Variants in ATP8A2 observed in about 807,000 individuals in gnomAD.
ATP8A2 encodes ATPase phospholipid transporting 8A2, also known as phospholipid-transporting ATPase IB.
In ATP8A2, 100 loss-of-function variants were observed where a neutral mutation model predicts 165.6. That is an observed-to-expected ratio of 0.60 (90% CI 0.51 to 0.71). The LOEUF is 0.71. Ranked by LOEUF, ATP8A2 falls within the 30% of genes least tolerant of loss-of-function variation. The probability of loss-of-function intolerance (pLI) is 0.00; values close to 1 mark genes in which losing one functional copy is unlikely to be tolerated. For missense variants in ATP8A2, 1,227 were observed against 1,479.5 expected (o/e 0.83, Z 2.80); for synonymous variants, 543 against 548.8 (o/e 0.99, Z 0.15).
intron 25 of ATP8A2, among the ~76,000 whole-genome samples, chr13:25,728,936 T>C: frequency 6.6e-6 from 1 of 152,200 alleles, no homozygotes; most frequent in Admixed American, 6.5e-5. Context: ...CTGAAAACCC[T>C]GTTTTTCAGA....
chr13:25,615,364 C>A (rs1259512159), intron 24 of ATP8A2, among the ~76,000 whole-genome samples: 1 of 152,076 alleles, frequency 6.6e-6, no homozygotes, highest in Non-Finnish European at 1.5e-5. Context: ...ACCATGAAGC[C>A]CGAAAGGCTG....
chr13:25,571,777 A>G (rs1409699325), intron 18 of ATP8A2, 85 bp downstream of exon 18: 6 of 1,159,702 alleles, frequency 5.2e-6, no homozygotes, highest in Admixed American at 1.7e-5. Context: ...TGTAAATATG[A>G]TAGCTAAATT....
intron 23 of ATP8A2, among the ~76,000 whole-genome samples, chr13:25,582,336 T>C (rs367787267): frequency 1.1e-4 from 17 of 152,356 alleles, no homozygotes; most frequent in African/African-American, 4.1e-4. Flanking sequence ...GTTTTGCCCA[T>C]TAATGGGCTT....
intron 36 of ATP8A2, among the ~76,000 whole-genome samples, chr13:26,018,658 G>C (rs113273625): frequency 2.6e-5 from 4 of 152,266 alleles, no homozygotes; most frequent in African/African-American, 9.6e-5. Flanking sequence ...GTCTTTCTGT[G>C]GGAAGGGCCA....
At chr13:25,418,693 C>G (rs1298404456) in intron 1 of ATP8A2, among the ~76,000 whole-genome samples, 2 of 152,188 alleles carry the variant, frequency 1.3e-5, no homozygotes, top group Non-Finnish European at 2.9e-5. Flanking sequence ...TGCATGTCTA[C>G]AGACAAGGAT....
intron 16 of ATP8A2, chr13:25,567,367 A>C (rs2039345620): frequency 2.2e-6 from 1 of 456,574 alleles, no homozygotes; most frequent in Non-Finnish European, 4.4e-6. Flanking sequence ...GTGAGTGGAA[A>C]GAACTTTAGG....
intron 1 of ATP8A2, among the ~76,000 whole-genome samples, chr13:25,394,335 T>C (rs1167631126): frequency 6.6e-6 from 1 of 152,234 alleles, no homozygotes; most frequent in Non-Finnish European, 1.5e-5. Flanking sequence ...AACAAAGATG[T>C]TGCTCAGGAT....
chr13:26,015,778 G>A (rs1956956786), intron 36 of ATP8A2, among the ~76,000 whole-genome samples: 2 of 152,168 alleles, frequency 1.3e-5, no homozygotes, highest in African/African-American at 4.8e-5. Flanking sequence ...CAGTTAGTTG[G>A]GTCCATGAGA....
chr13:26,012,636 GC>G lies in ATP8A2; in HGVS notation c.3469+15del. ...AGGGCGTCCCGCGTGAGTACCGCGG[GC>G]GGGGGCTGATGGAGGAGTGGGTGTC... On this transcript the variant is annotated intron_variant, in intron 36 of 36. Coordinates refer to ENST00000381655, the MANE Select transcript of ATP8A2 (RefSeq NM_016529.6). 6.8e-7 allele frequency: 1 copy of G among 1,470,544 alleles called. No individual in the cohort carries two copies. The allele number at this position is 1,470,544 out of a possible 1,614,324, so 91.1% of individuals were successfully genotyped here.
intron 33 of ATP8A2, among the ~76,000 whole-genome samples, chr13:25,877,799 G>A (rs1250122838): frequency 6.6e-6 from 1 of 152,140 alleles, no homozygotes; most frequent in Admixed American, 6.5e-5. Flanking sequence ...CATTGTATAA[G>A]CCCCCAAGCC....
chr13:25,718,270 AT>A (rs2043298917), intron 25 of ATP8A2, among the ~76,000 whole-genome samples: 2 of 152,248 alleles, frequency 1.3e-5, no homozygotes, highest in East Asian at 3.8e-4. Flanking sequence ...AGTTCCTTGA[AT>A]TGGAGGAAGC....
chr13:25,892,517 TTATGCAGATGTA>T, intron 33 of ATP8A2, among the ~76,000 whole-genome samples: 3 of 148,488 alleles, frequency 2.0e-5, no homozygotes, highest in African/African-American at 7.7e-5. Context: ...TCCACCTGTG[TTATGCAGATGTA>T]CTGGGAATGA....
At chr13:25,788,633 C>T (rs1259460654) in intron 27 of ATP8A2, among the ~76,000 whole-genome samples, 2 of 152,004 alleles carry the variant, frequency 1.3e-5, no homozygotes, top group Non-Finnish European at 2.9e-5. Flanking sequence ...GCTAAGTCTT[C>T]CCTTGCTCTA....
In ATP8A2 at chr13:25,587,378, G is replaced by T. The variant is rs189674223; in HGVS notation, c.2147-2257G>T. 2.5e-3 allele frequency among the ~76,000 whole-genome samples: 375 copies of T among 151,734 alleles called. 5 individuals are homozygous for T. The highest frequency in any genetic ancestry group is 0.012 in the Admixed American group (184 of 15,244). ...TTTCTTCTCAGAAGCCTTTAGTTTTGTATATTTAAATTCATGAAAGTGTCA... is the reference window on the plus strand; with the variant it reads ...TTTCTTCTCAGAAGCCTTTAGTTTTTTATATTTAAATTCATGAAAGTGTCA... On this transcript the variant is annotated intron_variant, in intron 23 of 36. Transcript: ENST00000381655.
chr13:25,664,096 C>T (rs1276713345), intron 24 of ATP8A2, among the ~76,000 whole-genome samples: 1 of 152,098 alleles, frequency 6.6e-6, no homozygotes, highest in African/African-American at 2.4e-5. Flanking sequence ...GTAATCCCAG[C>T]TCCTCGGGAG....
chr13:25,485,286 G>A (rs946410945), intron 2 of ATP8A2, among the ~76,000 whole-genome samples: 2 of 152,052 alleles, frequency 1.3e-5, no homozygotes, highest in African/African-American at 2.4e-5. Context: ...AGGATAGTGC[G>A]TGTGTGTGTG....
At chr13:25,466,334 G>A (rs952143382) in intron 1 of ATP8A2, among the ~76,000 whole-genome samples, 7 of 152,000 alleles carry the variant, frequency 4.6e-5, no homozygotes, top group Admixed American at 3.3e-4. Flanking sequence ...TGCCCACAAT[G>A]CCCTTCCCTT....
At chr13:25,495,426 C>T (rs1301911760) in intron 2 of ATP8A2, among the ~76,000 whole-genome samples, 3 of 151,994 alleles carry the variant, frequency 2.0e-5, no homozygotes, top group Middle Eastern at 3.2e-3. Context: ...TACCTTTTCT[C>T]TGCTCTCTCT....
chr13:25,686,014 GA>G (rs1277176873), intron 24 of ATP8A2, among the ~76,000 whole-genome samples: 2 of 152,202 alleles, frequency 1.3e-5, no homozygotes, highest in Non-Finnish European at 2.9e-5. Context: ...GGGTATGACA[GA>G]AAGGAAGAAG....
Sources: gnomAD v4.1 joint callset for allele counts (sites outside exome capture counted in the v4.1 genomes callset) on GRCh38, gnomAD v4.1.1 for gene constraint, MANE v1.5 for transcripts, NCBI Gene and HGNC (gene_info 2026-07-23, HGNC 2026-07-21) for gene names.